Variants in SERPINE2 observed in about 807,000 individuals in gnomAD.
SERPINE2 encodes glia-derived nexin.
SERPINE2 carries 14 observed loss-of-function variants against 36.3 expected under a neutral mutation model. That is an observed-to-expected ratio of 0.39 (90% CI 0.25 to 0.60). The LOEUF is 0.60. Ranked by LOEUF, SERPINE2 falls within the 20% of genes least tolerant of loss-of-function variation. The probability of loss-of-function intolerance (pLI) is 0.57; values close to 1 mark genes in which losing one functional copy is unlikely to be tolerated. For missense variants in SERPINE2, 418 were observed against 499.6 expected (o/e 0.84, Z 1.56); for synonymous variants, 192 against 191.8 (o/e 1.00, Z -0.01).
intron 1 of SERPINE2, chr2:224,031,162 C>G: frequency 5.1e-6 from 5 of 985,442 alleles, no homozygotes; most frequent in Non-Finnish European, 6.0e-6. Flanking sequence ...ACGGTTCACA[C>G]ATCTACAGAC....
intron 1 of SERPINE2, chr2:224,038,431 T>C (rs1392155202): frequency 7.0e-7 from 1 of 1,436,920 alleles, no homozygotes; most frequent in Non-Finnish European, 9.6e-7. Context: ...GCTCAGTTTG[T>C]GGACACATTA....
chr2:224,008,133 T>G (rs1691495132), intron 1 of SERPINE2, among the ~76,000 whole-genome samples: 1 of 152,228 alleles, frequency 6.6e-6, no homozygotes. Context: ...TTTCTCTTTT[T>G]GTAAGAATAT....
rs989259866 is a variant in SERPINE2, at chr2:224,010,343, C to A, written c.-22-8421G>T. 5 of 985,110 alleles carry A rather than the reference C, an allele frequency of 5.1e-6. No individual in the cohort carries two copies. The African/African-American group carries it at 8.7e-5, about 17-fold the overall frequency. The allele number at this position is 985,110 out of a possible 1,614,324, so 61.0% of individuals were successfully genotyped here. Reference sequence around the variant, plus strand: ...GAACCTAAAAATGTTTAGGAAATACCTTTTCAGCCGCTGAAAAGTATGGCA... The same window carrying A: ...GAACCTAAAAATGTTTAGGAAATACATTTTCAGCCGCTGAAAAGTATGGCA... On this transcript the variant is annotated intron_variant, in intron 1 of 8. Transcript: ENST00000409304.
At chr2:224,010,753 A>G (rs1691598120) in intron 1 of SERPINE2, among the ~76,000 whole-genome samples, 1 of 152,178 alleles carries the variant, frequency 6.6e-6, no homozygotes, top group Non-Finnish European at 1.5e-5. Context: ...AGACATAGTA[A>G]CCAGCCTAAT....
intron 1 of SERPINE2, among the ~76,000 whole-genome samples, chr2:224,034,681 T>C (rs915691910): frequency 2.0e-5 from 3 of 152,120 alleles, no homozygotes; most frequent in African/African-American, 7.2e-5. Flanking sequence ...TAAAACAAGG[T>C]TCCCCATGTT....
At chr2:224,030,140 G>C (rs1692313553) in intron 1 of SERPINE2, 1 of 985,346 alleles carries the variant, frequency 1.0e-6, no homozygotes, top group Non-Finnish European at 1.2e-6. Context: ...CAAGGGTGGA[G>C]TCAGAAGGAG....
At chr2:223,983,533 G>A (rs1282071909) in intron 5 of SERPINE2, among the ~76,000 whole-genome samples, 3 of 152,090 alleles carry the variant, frequency 2.0e-5, no homozygotes, top group African/African-American at 4.8e-5. Flanking sequence ...GATTACAGGT[G>A]TGAGCCACCA....
At chr2:224,009,368 T>G (rs1475350449) in intron 1 of SERPINE2, among the ~76,000 whole-genome samples, 2 of 152,186 alleles carry the variant, frequency 1.3e-5, no homozygotes, top group South Asian at 4.2e-4. Flanking sequence ...ATGACATCTC[T>G]CAACAGCTTT....
chr2:223,984,024 T>G (rs1690331709), intron 5 of SERPINE2, among the ~76,000 whole-genome samples: 1 of 151,744 alleles, frequency 6.6e-6, no homozygotes, highest in Non-Finnish European at 1.5e-5. Flanking sequence ...CTTACTCTGA[T>G]TACTTAACTC....
intron 1 of SERPINE2, among the ~76,000 whole-genome samples, chr2:224,007,165 G>A (rs1691455538): frequency 6.6e-6 from 1 of 152,192 alleles, no homozygotes; most frequent in South Asian, 2.1e-4. Context: ...GCTCTATGTA[G>A]CATAATAAGT....
chr2:224,020,237 C>A (rs992777875), intron 1 of SERPINE2, among the ~76,000 whole-genome samples: 3 of 152,164 alleles, frequency 2.0e-5, no homozygotes, highest in Non-Finnish European at 4.4e-5. Context: ...CTCAGCTTAG[C>A]CTCCTGCATC....
chr2:224,018,135 G>A (rs962527284), intron 1 of SERPINE2, among the ~76,000 whole-genome samples: 9 of 152,196 alleles, frequency 5.9e-5, no homozygotes, highest in South Asian at 2.1e-4. Context: ...TGACTCCATC[G>A]ACAGCCCTGA....
At chr2:224,027,165 C>T (rs1324708454) in intron 1 of SERPINE2, among the ~76,000 whole-genome samples, 1 of 152,174 alleles carries the variant, frequency 6.6e-6, no homozygotes, top group Non-Finnish European at 1.5e-5. Context: ...GCATGAAGGG[C>T]TTGGCATTAG....
At chr2:223,992,252 C>T (rs926297619) in intron 3 of SERPINE2, among the ~76,000 whole-genome samples, 3 of 152,118 alleles carry the variant, frequency 2.0e-5, no homozygotes, top group African/African-American at 7.2e-5. Context: ...CAAAACTTTT[C>T]ATCAAGAAAT....
chr2:224,031,289 C>T (rs1373815835), intron 1 of SERPINE2: 1 of 985,254 alleles, frequency 1.0e-6, no homozygotes, highest in Non-Finnish European at 1.2e-6. Context: ...ACCGTGGACC[C>T]TTTATCTCTG....
intron 1 of SERPINE2, among the ~76,000 whole-genome samples, chr2:224,007,090 C>A (rs879616001): frequency 6.6e-6 from 1 of 152,204 alleles, no homozygotes; most frequent in Non-Finnish European, 1.5e-5. Context: ...CTAATAAATT[C>A]TTTTTATGAA....
chr2:223,985,052 G>C, intron 4 of SERPINE2, 102 bp from the exon 5 acceptor site: 1 of 923,614 alleles, frequency 1.1e-6, no homozygotes, highest in Non-Finnish European at 1.7e-6. Flanking sequence ...AACTCAGTTG[G>C]AGAACTTCCC....
At chr2:224,015,302 G>C (rs1231594305) in intron 1 of SERPINE2, among the ~76,000 whole-genome samples, 8 of 151,724 alleles carry the variant, frequency 5.3e-5, no homozygotes, top group Admixed American at 2.6e-4. Flanking sequence ...GAGTGTGTAA[G>C]AATGGAAGCA....
intron 7 of SERPINE2, chr2:223,978,048 T>TGG: frequency 1.2e-5 from 2 of 161,374 alleles, no homozygotes; most frequent in Admixed American, 6.0e-5. Flanking sequence ...TCCTTTTTTT[T>TGG]GGGGATGGAG....
Sources: gnomAD v4.1 joint callset for allele counts (sites outside exome capture counted in the v4.1 genomes callset) on GRCh38, gnomAD v4.1.1 for gene constraint, MANE v1.5 for transcripts, NCBI Gene and HGNC (gene_info 2026-07-23, HGNC 2026-07-21) for gene names.